The following CACNA2D3 variants were observed in gnomAD, a reference collection of about 807,000 sequenced individuals.
CACNA2D3 encodes voltage-dependent calcium channel subunit alpha-2/delta-3.
A neutral mutation model predicts 160.6 loss-of-function variants in CACNA2D3; 60 were observed. The ratio of observed to expected loss-of-function variants is 0.37; its 90% CI spans 0.30 to 0.46. CACNA2D3 has a LOEUF of 0.46. CACNA2D3 is among the 20% of genes least tolerant of loss of function. CACNA2D3 has a pLI of 1.00. For synonymous variants in CACNA2D3, 558 were observed against 492.9 expected (o/e 1.13, Z -1.75); for missense variants, 1,205 against 1,365.0 (o/e 0.88, Z 1.85).
intron 9 of CACNA2D3, among the ~76,000 whole-genome samples, chr3:54,582,246 T>C (rs1244251138): frequency 6.6e-6 from 1 of 152,196 alleles, no homozygotes; most frequent in Non-Finnish European, 1.5e-5. Flanking sequence ...ATTGATTAAA[T>C]GGTCACTGGG....
chr3:54,926,636 A>T (rs1241363704), intron 27 of CACNA2D3, among the ~76,000 whole-genome samples: 1 of 152,178 alleles, frequency 6.6e-6, no homozygotes, highest in Non-Finnish European at 1.5e-5. Flanking sequence ...CTGTTCACTG[A>T]AAACTGATCT....
chr3:54,267,239 G>A (rs1702534970), intron 2 of CACNA2D3, among the ~76,000 whole-genome samples: 1 of 152,138 alleles, frequency 6.6e-6, no homozygotes, highest in Non-Finnish European at 1.5e-5. Flanking sequence ...TTGACAGATT[G>A]TGTCTTGCAG....
chr3:54,988,056 A>G (rs1702656258), intron 31 of CACNA2D3, among the ~76,000 whole-genome samples: 2 of 152,206 alleles, frequency 1.3e-5, no homozygotes, highest in African/African-American at 4.8e-5. Context: ...GTCACTGCGA[A>G]GAAGTAGGAA....
intron 3 of CACNA2D3, among the ~76,000 whole-genome samples, chr3:54,375,919 A>C (rs1431810624): frequency 6.6e-6 from 1 of 152,178 alleles, no homozygotes; most frequent in African/African-American, 2.4e-5. Flanking sequence ...GGGAGAGCCC[A>C]CAGGAATTGC....
At chr3:54,355,585 C>A (rs910522647) in intron 3 of CACNA2D3, among the ~76,000 whole-genome samples, 21 of 152,034 alleles carry the variant, frequency 1.4e-4, no homozygotes, top group African/African-American at 5.1e-4. Flanking sequence ...AGGAGAGAAA[C>A]AAATGATGCT....
chr3:54,697,006 G>A (rs1700677854), intron 11 of CACNA2D3, among the ~76,000 whole-genome samples: 1 of 152,172 alleles, frequency 6.6e-6, no homozygotes, highest in African/African-American at 2.4e-5. Context: ...GCCAGACGCT[G>A]TGACTCACGC....
chr3:54,379,749 T>C (rs916109573), intron 3 of CACNA2D3, among the ~76,000 whole-genome samples: 1 of 152,374 alleles, frequency 6.6e-6, no homozygotes, highest in Middle Eastern at 3.4e-3. Context: ...CTTCTCTTTC[T>C]CCTGCATCCT....
intron 2 of CACNA2D3, among the ~76,000 whole-genome samples, chr3:54,279,688 A>C (rs780692418): frequency 6.6e-6 from 1 of 152,154 alleles, no homozygotes; most frequent in African/African-American, 2.4e-5. Context: ...GTCTGAGTAG[A>C]GCTCTGGCTT....
chr3:54,505,902 A>C (rs1701361211), intron 5 of CACNA2D3, among the ~76,000 whole-genome samples: 1 of 152,226 alleles, frequency 6.6e-6, no homozygotes, highest in Non-Finnish European at 1.5e-5. Flanking sequence ...TCCTAGACAG[A>C]ATCTTCAGAG....
At chr3:54,451,634 C>T (rs980365438) in intron 4 of CACNA2D3, among the ~76,000 whole-genome samples, 1 of 152,102 alleles carries the variant, frequency 6.6e-6, no homozygotes, top group African/African-American at 2.4e-5. Flanking sequence ...TGTGCTATCG[C>T]ATTTTTTGCT....
intron 2 of CACNA2D3, among the ~76,000 whole-genome samples, chr3:54,221,300 TGAC>T (rs1454815420): frequency 1.5e-4 from 23 of 152,364 alleles, no homozygotes; most frequent in Non-Finnish European, 1.3e-4. Flanking sequence ...GGTACCGTCA[TGAC>T]TAAAAATTCC....
At chr3:54,771,820 T>G (rs4025824) in intron 13 of CACNA2D3, among the ~76,000 whole-genome samples, 36,732 of 151,998 alleles carry the variant, frequency 0.24, 4,580 homozygotes, top group Admixed American at 0.3. Context: ...GGTGTGTACT[T>G]GGGGCAGAAA....
At chr3:54,779,932 A>G (rs751698223) in intron 13 of CACNA2D3, among the ~76,000 whole-genome samples, 5 of 152,186 alleles carry the variant, frequency 3.3e-5, no homozygotes, top group Non-Finnish European at 7.3e-5. Flanking sequence ...ATGTGTCTCT[A>G]TAACCTGATA....
chr3:54,645,226 C>A (rs1442746933), intron 11 of CACNA2D3, among the ~76,000 whole-genome samples: 1 of 151,926 alleles, frequency 6.6e-6, no homozygotes, highest in Non-Finnish European at 1.5e-5. Flanking sequence ...CTTATGAAAC[C>A]ATTAAATCTC....
intron 26 of CACNA2D3, among the ~76,000 whole-genome samples, chr3:54,897,873 A>G (rs1305422139): frequency 6.6e-6 from 1 of 152,228 alleles, no homozygotes; most frequent in East Asian, 1.9e-4. Context: ...ATCAATGGAC[A>G]TATTTAAGGA....
intron 35 of CACNA2D3, among the ~76,000 whole-genome samples, chr3:55,070,514 A>C (rs547418035): frequency 6.6e-6 from 1 of 152,276 alleles, no homozygotes; most frequent in African/African-American, 2.4e-5. Context: ...CCATTTGTGC[A>C]GCGGTCACCT....
At chr3:54,513,807 A>C (rs751918135) in intron 5 of CACNA2D3, among the ~76,000 whole-genome samples, 1 of 152,118 alleles carries the variant, frequency 6.6e-6, no homozygotes, top group Non-Finnish European at 1.5e-5. Context: ...CAGCCCCCCA[A>C]GTAGCTGGGT....
chr3:54,488,164 G>A (rs1037842434), intron 4 of CACNA2D3, among the ~76,000 whole-genome samples: 2 of 152,136 alleles, frequency 1.3e-5, no homozygotes, highest in African/African-American at 4.8e-5. Flanking sequence ...TAGAGAGGGA[G>A]GAAAGAGCTA....
rs146320829 is a variant in CACNA2D3, at chr3:54,554,784, C to A, written c.545-8016C>A. Among the ~76,000 whole-genome samples, 28 of 152,136 alleles carry A rather than the reference C, an allele frequency of 1.8e-4. No individual in the cohort carries two copies. The East Asian group carries it at 5.2e-3, about 28-fold the overall frequency. On this transcript the variant is annotated intron_variant, in intron 5 of 37. Transcript: ENST00000474759. ...TGCCGTGCTGCTGTTCAGGTGCTAC[C>A]CAGCAACCCTGATGTGGAGAACATG...
Sources: allele counts gnomAD v4.1 joint callset (sites outside exome capture counted in the v4.1 genomes callset), GRCh38; gene constraint gnomAD v4.1.1; transcripts MANE v1.5; gene names NCBI Gene and HGNC (gene_info 2026-07-23, HGNC 2026-07-21).